Variants in SSBP3 observed in about 807,000 individuals in gnomAD.
The protein encoded by SSBP3 is single-stranded DNA-binding protein 3.
In SSBP3, 5 loss-of-function variants were observed where a neutral mutation model predicts 69.6. The ratio of observed to expected loss-of-function variants is 0.07; its 90% CI spans 0.04 to 0.15. SSBP3 has a LOEUF of 0.15. SSBP3 is among the 10% of genes least tolerant of loss of function. The pLI, the probability that SSBP3 is intolerant of heterozygous loss-of-function variation, is 1.00. For missense variants in SSBP3, 312 were observed against 534.0 expected (o/e 0.58, Z 4.10); for synonymous variants, 196 against 193.4 (o/e 1.01, Z -0.11).
intron 4 of SSBP3, among the ~76,000 whole-genome samples, chr1:54,383,281 G>A (rs1471961921): frequency 1.3e-5 from 2 of 152,010 alleles, no homozygotes; most frequent in African/African-American, 4.8e-5. Flanking sequence ...GGGAGGCTGA[G>A]GCAGGAGAAT....
At chr1:54,298,019 C>A (rs1261658532) in intron 4 of SSBP3, among the ~76,000 whole-genome samples, 1 of 152,156 alleles carries the variant, frequency 6.6e-6, no homozygotes, top group African/African-American at 2.4e-5. Flanking sequence ...GGGCCAGATG[C>A]GCAGGCCTCT....
At chr1:54,379,098 TCTG>T (rs1175499300) in intron 4 of SSBP3, among the ~76,000 whole-genome samples, 1 of 152,154 alleles carries the variant, frequency 6.6e-6, no homozygotes, top group East Asian at 1.9e-4. Context: ...CCAGCCCCGA[TCTG>T]CCACCCTGAA....
chr1:54,298,044 C>T (rs968149140), intron 4 of SSBP3, among the ~76,000 whole-genome samples: 4 of 152,192 alleles, frequency 2.6e-5, no homozygotes, highest in African/African-American at 9.6e-5. Context: ...CCCCCTCATG[C>T]TCCCCAACCA....
chr1:54,248,032 T>C (rs751360), intron 9 of SSBP3, among the ~76,000 whole-genome samples: 2,179 of 152,310 alleles, frequency 0.014, 47 homozygotes, highest in African/African-American at 0.05. Context: ...TAGGCTGACA[T>C]GTGACACAGA....
chr1:54,299,809 G>A (rs571892136), intron 4 of SSBP3, among the ~76,000 whole-genome samples: 10 of 152,118 alleles, frequency 6.6e-5, no homozygotes, highest in African/African-American at 1.7e-4. Context: ...AACCCAGATC[G>A]CTCACACGGC....
At chr1:54,234,761 T>C (rs1051108011) in intron 14 of SSBP3, among the ~76,000 whole-genome samples, 1 of 147,298 alleles carries the variant, frequency 6.8e-6, no homozygotes, top group African/African-American at 2.6e-5. Flanking sequence ...ACATCCTTTT[T>C]ATAAAAGAAA....
intron 17 of SSBP3, among the ~76,000 whole-genome samples, 160 bp from the exon 18 acceptor site, chr1:54,227,320 G>C (rs1372155692): frequency 6.6e-6 from 1 of 152,174 alleles, no homozygotes; most frequent in Non-Finnish European, 1.5e-5. Context: ...AGTGGGCAGG[G>C]GGCCGGTAGG....
chr1:54,251,499 T>G, intron 9 of SSBP3, 117 bp downstream of exon 9: 2 of 1,154,890 alleles, frequency 1.7e-6, no homozygotes, highest in East Asian at 2.6e-5. Context: ...GGCCATGCCC[T>G]TCCTCTCACC....
Position 54,279,021 on chromosome 1 carries a change from A to G in SSBP3, c.366+2417T>C, listed in dbSNP as rs78964194. On this transcript the variant is annotated intron_variant, in intron 5 of 17. Transcript: ENST00000610401. ...AGTGTCCCAGCCTGAGCGGTTCAGC[A>G]TCATGGCCAGGAAGGATCAGGCCAG... is the stretch of plus-strand genomic sequence containing the variant. 3.6e-3 allele frequency among the ~76,000 whole-genome samples: 549 copies of G among 152,328 alleles called. 1 individual carries two copies. Among genetic ancestry groups the G allele is most frequent in the Non-Finnish European group, 6.3e-3 (426 of 68,028 alleles).
chr1:54,324,175 G>C (rs1416817796), intron 4 of SSBP3, among the ~76,000 whole-genome samples: 1 of 152,146 alleles, frequency 6.6e-6, no homozygotes. Flanking sequence ...TCCTGGACAG[G>C]ATCTTCTTCC....
intron 3 of SSBP3, 119 bp from the exon 4 acceptor site, chr1:54,402,064 A>T: frequency 2.6e-6 from 2 of 766,860 alleles, no homozygotes. Context: ...ATCCCACCTT[A>T]TCAGCTCTCA....
exon 1 of SSBP3, chr1:54,406,024 G>T: frequency 6.9e-7 from 1 of 1,445,420 alleles, no homozygotes; most frequent in Non-Finnish European, 9.2e-7. Context: ...GCAGGGAAGA[G>T]GGCGCCGAGC....
chr1:54,321,885 G>A (rs1049097991), intron 4 of SSBP3, among the ~76,000 whole-genome samples: 2 of 152,236 alleles, frequency 1.3e-5, no homozygotes, highest in African/African-American at 2.4e-5. Context: ...AGGAGGTTCA[G>A]TGAGCATGAG....
chr1:54,233,713 T>TG (rs1380744964), intron 14 of SSBP3, among the ~76,000 whole-genome samples: 16 of 82,966 alleles, frequency 1.9e-4, no homozygotes, highest in Middle Eastern at 8.9e-3. Context: ...GGGAGGGAGG[T>TG]GGGGGGGTCA....
chr1:54,278,226 TG>T (rs1320300720), intron 5 of SSBP3, among the ~76,000 whole-genome samples: 2 of 152,188 alleles, frequency 1.3e-5, no homozygotes, highest in South Asian at 2.1e-4. Context: ...TGGGGCTGCC[TG>T]GGCTCCTGTT....
At chr1:54,404,052 A>C (rs1202218236) in intron 3 of SSBP3, among the ~76,000 whole-genome samples, 1 of 151,970 alleles carries the variant, frequency 6.6e-6, no homozygotes, top group East Asian at 1.9e-4. Flanking sequence ...GAGGAAAGGA[A>C]GGACCAGTCA....
At position 54,258,141 on chromosome 1, in the gene SSBP3, C is replaced by T. The variant is rs561861532; in HGVS notation, c.375G>A (p.Pro125=). Residue 125 remains proline, a synonymous_variant, in exon 6 of 18, where the codon CCG becomes CCA. Coordinates refer to ENST00000610401, the Ensembl canonical transcript of SSBP3. The surrounding 1 kb of genome is among the most constrained non-coding windows in gnomAD (Gnocchi z 4.5). ...GTGCGTGCGGCGAGGGCTGTGACCC[C>T]GGAGGACCCTGTGAGGCCAGACAGT... 7.5e-6 allele frequency: 12 copies of T among 1,591,098 alleles called. No individual in the cohort carries two copies. The highest frequency in any genetic ancestry group is 1.2e-5 in the South Asian group (1 of 86,694).
intron 3 of SSBP3, among the ~76,000 whole-genome samples, chr1:54,404,119 G>A (rs757405563): frequency 2.6e-5 from 4 of 152,136 alleles, no homozygotes; most frequent in Non-Finnish European, 5.9e-5. Context: ...TTCTCAGGGT[G>A]CCTGGAAAAA....
At chr1:54,360,384 A>G (rs1282007204) in intron 4 of SSBP3, among the ~76,000 whole-genome samples, 2 of 152,208 alleles carry the variant, frequency 1.3e-5, no homozygotes, top group Admixed American at 6.5e-5. Flanking sequence ...GGCACTCAAC[A>G]AATACCTAAA....
Sources: gnomAD v4.1 joint callset for allele counts (sites outside exome capture counted in the v4.1 genomes callset) on GRCh38, gnomAD v4.1.1 for gene constraint, Gnocchi (gnomAD v3.1) non-coding constraint, MANE v1.5 for transcripts, NCBI Gene and HGNC (gene_info 2026-07-23, HGNC 2026-07-21) for gene names.